RAPGEF2: variants seen among roughly 807,000 people sequenced by gnomAD.
RAPGEF2 encodes the protein PDZ domain containing guanine nucleotide exchange factor (GEF) 1.
A neutral mutation model predicts 186.7 loss-of-function variants in RAPGEF2; 54 were observed. That is an observed-to-expected ratio of 0.29 (90% CI 0.23 to 0.36). The LOEUF is 0.36. Ranked by LOEUF, RAPGEF2 falls within the 10% of genes least tolerant of loss-of-function variation. RAPGEF2 has a pLI of 1.00. For missense variants in RAPGEF2, 1,532 were observed against 2,045.0 expected, an observed-to-expected ratio of 0.75 and a Z score of 4.84; for synonymous variants, 712 against 705.9, an observed-to-expected ratio of 1.01 and a Z score of -0.14.
At chr4:159,191,219 A>G (rs536538174) in intron 2 of RAPGEF2, among the ~76,000 whole-genome samples, 40 of 152,184 alleles carry the variant, frequency 2.6e-4, no homozygotes, top group Middle Eastern at 3.4e-3. Context: ...AAAAATGACT[A>G]GTAAGTTAAG....
chr4:159,311,809 T>C (rs1763980004), intron 8 of RAPGEF2, among the ~76,000 whole-genome samples: 1 of 152,184 alleles, frequency 6.6e-6, no homozygotes. Flanking sequence ...ATTATGAAAT[T>C]AGTAGGTCCC....
chr4:159,104,553 A>AGTGTGTGTGT (rs1219918425), intron 1 of RAPGEF2, among the ~76,000 whole-genome samples: 3 of 136,028 alleles, frequency 2.2e-5, no homozygotes, highest in Admixed American at 1.5e-4. Context: ...AGAGAGAGAG[A>AGTGTGTGTGT]GTGTGTGTGT....
intron 9 of RAPGEF2, 139 bp downstream of exon 9, chr4:159,314,907 T>G: frequency 2.5e-6 from 2 of 801,168 alleles, no homozygotes; most frequent in Non-Finnish European, 3.6e-6. Context: ...ACAGTAGTAT[T>G]TGTTGGACAA....
intron 1 of RAPGEF2, among the ~76,000 whole-genome samples, chr4:159,164,212 G>T (rs1485909256): frequency 6.6e-6 from 1 of 151,462 alleles, no homozygotes; most frequent in South Asian, 2.1e-4. Flanking sequence ...CACCGTGTTA[G>T]CCAGGATGGT....
In RAPGEF2 at chr4:159,332,622, C is replaced by T; in HGVS notation, c.2060C>T (p.Thr687Ile). The T allele has an allele frequency of 6.2e-7, 1 of 1,614,122 alleles. No individual in the cohort carries two copies. Among genetic ancestry groups the T allele is most frequent in the Non-Finnish European group, 8.5e-7 (1 of 1,179,990 alleles). Residue 687 changes from threonine (T) to isoleucine (I), a missense_variant, in exon 17 of 30, where the codon ACT becomes ATT. Transcript: ENST00000691494. ...GTGAACAAAAAAAGTAAAGCCAACACTGTGGGAGGAAGGAACAAGCTGAAA... is the reference window on the plus strand; with the variant it reads ...GTGAACAAAAAAAGTAAAGCCAACATTGTGGGAGGAAGGAACAAGCTGAAA... ...EKVNKKSKAN[T>I]VGGRNKLKKI...
At chr4:159,280,214 C>T (rs1373928906) in intron 7 of RAPGEF2, among the ~76,000 whole-genome samples, 5 of 152,036 alleles carry the variant, frequency 3.3e-5, no homozygotes, top group East Asian at 3.9e-4. Context: ...AGTATATAGC[C>T]GGATGAAGGA....
At position 159,356,178 on chromosome 4, in the gene RAPGEF2, C is replaced by A. The variant is rs747657642; in HGVS notation, c.4957+20C>A. ...AGGATGGTATATGCACATAAATATT[C>A]CTAAAACCTCCAAGTTAGATGTGTT... On this transcript the variant is annotated intron_variant, in intron 29 of 29. Transcript: ENST00000691494. The A allele has an allele frequency of 1.3e-6, 2 of 1,599,242 alleles. No individual in the cohort carries two copies. The highest frequency in any genetic ancestry group is 1.7e-6 in the Non-Finnish European group (2 of 1,169,354).
chr4:159,146,137 T>TA, intron 1 of RAPGEF2, among the ~76,000 whole-genome samples: 1 of 152,308 alleles, frequency 6.6e-6, no homozygotes, highest in Non-Finnish European at 1.5e-5. Context: ...ATGATTCTGA[T>TA]AAACTATGAG....
At chr4:159,181,296 T>C (rs947797566) in intron 1 of RAPGEF2, among the ~76,000 whole-genome samples, 6 of 152,252 alleles carry the variant, frequency 3.9e-5, no homozygotes, top group African/African-American at 1.4e-4. Context: ...TTCTTGCTTC[T>C]ACTGTGTCTC....
intron 1 of RAPGEF2, among the ~76,000 whole-genome samples, chr4:159,149,202 G>T (rs1281363904): frequency 4.6e-5 from 7 of 152,228 alleles, no homozygotes; most frequent in Non-Finnish European, 8.8e-5. Context: ...AATAAAACTG[G>T]CACTTAAAAC....
intron 1 of RAPGEF2, among the ~76,000 whole-genome samples, chr4:159,144,867 TTC>T (rs1227165801): frequency 1.4e-5 from 2 of 142,796 alleles, no homozygotes; most frequent in African/African-American, 2.6e-5. Context: ...CTTAATTTTT[TTC>T]TTTCTTCCTG....
At chr4:159,120,235 G>T (rs1304110402) in intron 1 of RAPGEF2, among the ~76,000 whole-genome samples, 1 of 152,110 alleles carries the variant, frequency 6.6e-6, no homozygotes, top group Admixed American at 6.5e-5. Flanking sequence ...GGCCAGGCTG[G>T]TCTTGAACTC....
intron 8 of RAPGEF2, among the ~76,000 whole-genome samples, chr4:159,309,843 A>G (rs1005344473): frequency 6.6e-6 from 1 of 152,210 alleles, no homozygotes. Context: ...GTAATATGTA[A>G]TAGAGGAAAC....
chr4:159,217,123 A>T (rs1282022518), intron 4 of RAPGEF2, among the ~76,000 whole-genome samples: 1 of 152,066 alleles, frequency 6.6e-6, no homozygotes, highest in African/African-American at 2.4e-5. Flanking sequence ...TGTGGCAGAG[A>T]CTGAAGACAA....
chr4:159,290,437 A>C (rs559845724), intron 7 of RAPGEF2, among the ~76,000 whole-genome samples: 2 of 152,350 alleles, frequency 1.3e-5, no homozygotes, highest in Admixed American at 6.5e-5. Flanking sequence ...CCTGATTTCA[A>C]CCTAGGATGA....
chr4:159,164,319 T>C (rs1329104273), intron 1 of RAPGEF2, among the ~76,000 whole-genome samples: 8 of 141,246 alleles, frequency 5.7e-5, no homozygotes, highest in Non-Finnish European at 1.2e-4. Context: ...TTTTTTTTTT[T>C]CCTTCTTCTT....
chr4:159,355,798 T>A (rs191979862), intron 28 of RAPGEF2, 55 bp from the exon 29 acceptor site: 1 of 1,398,458 alleles, frequency 7.2e-7, no homozygotes, highest in East Asian at 2.5e-5. Flanking sequence ...ATATTTTTAA[T>A]AAACTTTTGT....
chr4:159,193,132 A>T, intron 2 of RAPGEF2, 68 bp from the exon 3 acceptor site: 1 of 869,404 alleles, frequency 1.2e-6, no homozygotes, highest in Non-Finnish European at 1.6e-6. Flanking sequence ...TGTGTCATTT[A>T]AGGGTTTAAA....
At chr4:159,111,964 T>C (rs1302725523) in intron 1 of RAPGEF2, among the ~76,000 whole-genome samples, 1 of 152,182 alleles carries the variant, frequency 6.6e-6, no homozygotes, top group Non-Finnish European at 1.5e-5. Flanking sequence ...ATGGTTCTTG[T>C]TGGACTTTTA....
Sources: gnomAD v4.1 joint callset for allele counts (sites outside exome capture counted in the v4.1 genomes callset) on GRCh38, gnomAD v4.1.1 for gene constraint, MANE v1.5 for transcripts, NCBI Gene and HGNC (gene_info 2026-07-23, HGNC 2026-07-21) for gene names.